The following CHMP2B variants were observed in gnomAD, a reference collection of about 807,000 sequenced individuals.
The protein encoded by CHMP2B is VPS2 homolog B.
CHMP2B carries 22 observed loss-of-function variants against 29.8 expected under a neutral mutation model. The ratio of observed to expected loss-of-function variants is 0.74; its 90% CI spans 0.53 to 1.05. The LOEUF (loss-of-function observed/expected upper bound fraction) is 1.05. CHMP2B is among the 50% of genes least tolerant of loss of function. The pLI is 0.00. For missense variants in CHMP2B, 261 were observed against 252.2 expected (o/e 1.03, Z -0.24); for synonymous variants, 78 against 75.8 (o/e 1.03, Z -0.15).
At chr3:87,246,651 G>A (rs1228586325) in intron 3 of CHMP2B, among the ~76,000 whole-genome samples, 2 of 152,094 alleles carry the variant, frequency 1.3e-5, no homozygotes, top group Non-Finnish European at 2.9e-5. Context: ...TTATCAGAAT[G>A]TTTGTCTAGA....
chr3:87,237,916 A>G (rs1309470603), intron 1 of CHMP2B, among the ~76,000 whole-genome samples: 6 of 152,180 alleles, frequency 3.9e-5, no homozygotes, highest in Non-Finnish European at 7.3e-5. Context: ...GAGATGTGCT[A>G]TGGTTTCATA....
intron 1 of CHMP2B, among the ~76,000 whole-genome samples, chr3:87,237,140 A>T (rs1019531783): frequency 7.9e-5 from 12 of 152,136 alleles, no homozygotes; most frequent in African/African-American, 2.7e-4. Flanking sequence ...TTTGAAAGAC[A>T]GGGAAATGAG....
intron 5 of CHMP2B, 49 bp from the exon 6 acceptor site, chr3:87,253,663 G>A: frequency 6.6e-7 from 1 of 1,514,262 alleles, no homozygotes; most frequent in African/African-American, 1.4e-5. Flanking sequence ...GTATGTCCTA[G>A]TCCAAATGTT....
At chr3:87,235,319 T>C (rs1371804830) in intron 1 of CHMP2B, among the ~76,000 whole-genome samples, 3 of 152,188 alleles carry the variant, frequency 2.0e-5, no homozygotes, top group Admixed American at 1.3e-4. Flanking sequence ...AATATAGAGA[T>C]TGTTTTAAAA....
chr3:87,239,227 T>G (rs1049091043), intron 1 of CHMP2B, among the ~76,000 whole-genome samples: 11 of 152,086 alleles, frequency 7.2e-5, no homozygotes, highest in Admixed American at 4.6e-4. Context: ...TAGGTTGTCT[T>G]TTCACCTAAT....
Position 87,253,805 on chromosome 3 carries a change from G to T in CHMP2B, c.625G>T (p.Ala209Ser). Residue 209 changes from alanine to serine, a missense_variant, in exon 6 of 6, where the codon GCT (alanine) becomes TCT (serine). Coordinates refer to ENST00000263780, the MANE Select transcript of CHMP2B (RefSeq NM_014043.4). The stretch of plus-strand genomic sequence containing the variant: ...TGAAGAGATTGAACGGCAACTCAAG[G>T]CTTTAGGAGTAGATTAGTCAAAAGA... ...SDEEIERQLK[A>S]LGVD The T allele has an allele frequency of 6.2e-7, 1 of 1,611,452 alleles. No homozygotes were observed. Among genetic ancestry groups the T allele is most frequent in the Non-Finnish European group, 8.5e-7 (1 of 1,178,062 alleles).
At position 87,249,852 on chromosome 3, in the gene CHMP2B, GAATCTTGTAAATA is replaced by G. The variant is rs1706282814; in HGVS notation, c.322-22_322-10del. 7.0e-7 allele frequency: 1 copy of G among 1,431,548 alleles called. No individual in the cohort carries two copies. Among genetic ancestry groups the G allele is most frequent in the African/African-American group, 1.4e-5 (1 of 71,088 alleles). The allele number at this position is 1,431,548 out of a possible 1,614,324, so 88.7% of individuals were successfully genotyped here. On this transcript the variant is annotated splice_polypyrimidine_tract_variant and intron_variant, in intron 3 of 5. Transcript: ENST00000263780. ...ATTTTCATAATTATGGAAGTAACAT[GAATCTTGTAAATA>G]CATTTAAAGACAATGCAGGCAGTTA... is the stretch of plus-strand genomic sequence containing the variant.
intron 1 of CHMP2B, among the ~76,000 whole-genome samples, chr3:87,236,807 G>A (rs896468564): frequency 5.9e-5 from 9 of 151,982 alleles, no homozygotes; most frequent in Non-Finnish European, 1.3e-4. Context: ...CCGAGATCAT[G>A]CTGTTGTACT....
intron 4 of CHMP2B, among the ~76,000 whole-genome samples, chr3:87,251,512 C>T (rs982671152): frequency 2.0e-5 from 3 of 151,886 alleles, no homozygotes; most frequent in African/African-American, 7.2e-5. Flanking sequence ...TAATACATTA[C>T]AAGTTAGTCT....
chr3:87,229,737 G>C (rs1221852016), intron 1 of CHMP2B, among the ~76,000 whole-genome samples: 1 of 151,968 alleles, frequency 6.6e-6, no homozygotes, highest in African/African-American at 2.4e-5. Context: ...ATGAAATTCT[G>C]ATATATAAGG....
At chr3:87,240,162 C>CTTT (rs1411683891) in intron 1 of CHMP2B, among the ~76,000 whole-genome samples, 1 of 152,004 alleles carries the variant, frequency 6.6e-6, no homozygotes, top group Non-Finnish European at 1.5e-5. Flanking sequence ...GGTTAAATCT[C>CTTT]AGACTGTAGC....
rs747423794 is a variant in CHMP2B, at chr3:87,253,737, G to A, written c.557G>A (p.Arg186Gln). The A allele has an allele frequency of 8.7e-6, 14 of 1,612,362 alleles. No homozygotes were observed. The highest frequency in any genetic ancestry group is 1.1e-5 in the Non-Finnish European group (13 of 1,178,790). ...ATGGCCAAAGCTCCATCAGCTGCTCGAAGCTTACCATCTGCCTCTACTTCA... is the reference window on the plus strand; with the variant it reads ...ATGGCCAAAGCTCCATCAGCTGCTCAAAGCTTACCATCTGCCTCTACTTCA... Reference protein sequence around the residue: ...GKMAKAPSAARSLPSASTSKA... With the variant: ...GKMAKAPSAAQSLPSASTSKA... Residue 186 changes from arginine to glutamine, a missense_variant, in exon 6 of 6, where the codon CGA becomes CAA. Transcript: ENST00000263780.
At chr3:87,232,008 A>G (rs1705917608) in intron 1 of CHMP2B, among the ~76,000 whole-genome samples, 1 of 152,158 alleles carries the variant, frequency 6.6e-6, no homozygotes, top group South Asian at 2.1e-4. Flanking sequence ...ATATATCTGC[A>G]AGAGTTTCTA....
intron 2 of CHMP2B, among the ~76,000 whole-genome samples, chr3:87,241,461 A>ATC (rs1471969608): frequency 1.3e-5 from 2 of 152,056 alleles, no homozygotes; most frequent in African/African-American, 2.4e-5. Flanking sequence ...CCTCCTACGC[A>ATC]TCCCTGCCTG....
In CHMP2B at chr3:87,253,753, C is replaced by T. The variant is rs1368230626; in HGVS notation, c.573C>T (p.Ala191=). 7 of 1,612,570 alleles carry T rather than the reference C, an allele frequency of 4.3e-6. No homozygotes were observed. Among genetic ancestry groups the T allele is most frequent in the East Asian group, 2.2e-5 (1 of 44,836 alleles). ...APSAARSLPS[A]STSKATISDE... is the part of the protein sequence containing the mutation. The stretch of plus-strand genomic sequence containing the variant: ...CAGCTGCTCGAAGCTTACCATCTGC[C>T]TCTACTTCAAAGGCTACAATCTCAG... Residue 191 remains alanine, a synonymous_variant, in exon 6 of 6, where the codon GCC becomes GCT. Coordinates refer to ENST00000263780, the MANE Select transcript of CHMP2B (RefSeq NM_014043.4).
At chr3:87,232,194 G>A (rs551291511) in intron 1 of CHMP2B, among the ~76,000 whole-genome samples, 3 of 152,278 alleles carry the variant, frequency 2.0e-5, no homozygotes, top group Admixed American at 1.3e-4. Flanking sequence ...CTTGGCTTTT[G>A]CCTCATTGGG....
At chr3:87,249,510 T>G (rs1706276059) in intron 3 of CHMP2B, among the ~76,000 whole-genome samples, 1 of 152,166 alleles carries the variant, frequency 6.6e-6, no homozygotes, top group East Asian at 1.9e-4. Flanking sequence ...TTAATGAAAG[T>G]TTTTATAAAA....
At chr3:87,248,606 A>G (rs1706259445) in intron 3 of CHMP2B, among the ~76,000 whole-genome samples, 1 of 151,966 alleles carries the variant, frequency 6.6e-6, no homozygotes, top group South Asian at 2.1e-4. Context: ...GCAGGAGAAA[A>G]CATAGCACAT....
chr3:87,243,948 A>G (rs1230616509), intron 2 of CHMP2B, among the ~76,000 whole-genome samples: 1 of 151,942 alleles, frequency 6.6e-6, no homozygotes, highest in Non-Finnish European at 1.5e-5. Flanking sequence ...TATTTAAAAA[A>G]AGAAAATAAC....
Sources: gnomAD v4.1 joint callset for allele counts (sites outside exome capture counted in the v4.1 genomes callset) on GRCh38, gnomAD v4.1.1 for gene constraint, MANE v1.5 for transcripts, NCBI Gene and HGNC (gene_info 2026-07-23, HGNC 2026-07-21) for gene names.